ERBB4: variants seen among roughly 807,000 people sequenced by gnomAD.
ERBB4 encodes the protein receptor tyrosine-protein kinase erbB-4.
ERBB4 carries 42 observed loss-of-function variants against 158.0 expected under a neutral mutation model. That is an observed-to-expected ratio of 0.27 (90% CI 0.21 to 0.34). ERBB4 has a LOEUF of 0.34. ERBB4 is among the 10% of genes least tolerant of loss of function. The probability of loss-of-function intolerance (pLI) is 1.00; values close to 1 mark genes in which losing one functional copy is unlikely to be tolerated. For missense variants in ERBB4, 1,333 were observed against 1,624.1 expected (o/e 0.82, Z 3.08); for synonymous variants, 583 against 558.7 (o/e 1.04, Z -0.61).
chr2:211,593,145 G>A (rs1393130849), intron 19 of ERBB4, among the ~76,000 whole-genome samples: 2 of 152,074 alleles, frequency 1.3e-5, no homozygotes, highest in Non-Finnish European at 2.9e-5. Context: ...AAAGTCAATG[G>A]GGCAAAAAAG....
intron 19 of ERBB4, among the ~76,000 whole-genome samples, chr2:211,594,630 G>T (rs1310297824): frequency 6.6e-6 from 1 of 152,060 alleles, no homozygotes; most frequent in East Asian, 1.9e-4. Context: ...TAGCATAGCT[G>T]TTTATTCATA....
At chr2:211,425,175 T>A (rs2063599685) in intron 22 of ERBB4, among the ~76,000 whole-genome samples, 1 of 152,136 alleles carries the variant, frequency 6.6e-6, no homozygotes, top group Non-Finnish European at 1.5e-5. Context: ...CTGGGCACAA[T>A]AATATTACAA....
intron 2 of ERBB4, among the ~76,000 whole-genome samples, chr2:212,023,531 G>C (rs1401326796): frequency 6.6e-6 from 1 of 151,288 alleles, no homozygotes; most frequent in African/African-American, 2.4e-5. Context: ...AAAAAAAACA[G>C]ATGAATAAGT....
chr2:211,917,462 C>T (rs2079728648), intron 3 of ERBB4, among the ~76,000 whole-genome samples: 1 of 152,082 alleles, frequency 6.6e-6, no homozygotes, highest in African/African-American at 2.4e-5. Flanking sequence ...CTTATGCAGT[C>T]ATTACCACAA....
At chr2:212,345,041 C>T (rs1014577171) in intron 1 of ERBB4, among the ~76,000 whole-genome samples, 15 of 151,994 alleles carry the variant, frequency 9.9e-5, no homozygotes, top group African/African-American at 3.4e-4. Flanking sequence ...ATGGGCGGAT[C>T]ACGAGGTCAG....
At chr2:211,749,487 G>A (rs895601024) in intron 5 of ERBB4, among the ~76,000 whole-genome samples, 2 of 150,884 alleles carry the variant, frequency 1.3e-5, no homozygotes, top group Non-Finnish European at 3.0e-5. Context: ...TGCCTATGGA[G>A]AGCTGAGGGA....
chr2:212,537,413 T>C (rs1402363085), intron 1 of ERBB4, among the ~76,000 whole-genome samples: 1 of 152,046 alleles, frequency 6.6e-6, no homozygotes, highest in Admixed American at 6.5e-5. Flanking sequence ...GTCAGAAACT[T>C]TGAGCTCCAT....
chr2:212,391,992 T>C (rs2090889882), intron 1 of ERBB4, among the ~76,000 whole-genome samples: 1 of 151,500 alleles, frequency 6.6e-6, no homozygotes, highest in Admixed American at 6.6e-5. Context: ...TTTAGCTATT[T>C]AGGATGACTG....
intron 3 of ERBB4, among the ~76,000 whole-genome samples, chr2:211,826,294 A>C (rs1207520857): frequency 6.6e-6 from 1 of 151,862 alleles, no homozygotes; most frequent in Non-Finnish European, 1.5e-5. Flanking sequence ...TATTTCAGGC[A>C]CTGTGTTATG....
At chr2:211,503,427 C>A (rs563705636) in intron 20 of ERBB4, among the ~76,000 whole-genome samples, 21 of 152,252 alleles carry the variant, frequency 1.4e-4, no homozygotes, top group African/African-American at 4.6e-4. Flanking sequence ...GCCAGTTTCT[C>A]CCAAGACTGC....
intron 1 of ERBB4, among the ~76,000 whole-genome samples, chr2:212,351,612 G>C (rs548264614): frequency 3.3e-5 from 5 of 151,964 alleles, no homozygotes; most frequent in Non-Finnish European, 7.4e-5. Context: ...GGTAAATTCA[G>C]GTTAATTAAA....
At chr2:211,839,730 T>C (rs1364822904) in intron 3 of ERBB4, among the ~76,000 whole-genome samples, 1 of 152,136 alleles carries the variant, frequency 6.6e-6, no homozygotes, top group Non-Finnish European at 1.5e-5. Flanking sequence ...AAAACATGTC[T>C]TGATTTCCTT....
At chr2:211,986,385 T>C (rs1041817896) in intron 2 of ERBB4, among the ~76,000 whole-genome samples, 3 of 152,178 alleles carry the variant, frequency 2.0e-5, no homozygotes, top group Non-Finnish European at 4.4e-5. Context: ...AGAGGATAAA[T>C]GATTTACTCA....
intron 25 of ERBB4, among the ~76,000 whole-genome samples, chr2:211,392,558 C>CTG (rs1553519706): frequency 2.1e-5 from 3 of 140,918 alleles, no homozygotes; most frequent in East Asian, 4.2e-4. Context: ...CTCTCTTACT[C>CTG]CACACACACA....
At chr2:211,982,099 A>T (rs1310465670) in intron 2 of ERBB4, among the ~76,000 whole-genome samples, 2 of 151,954 alleles carry the variant, frequency 1.3e-5, no homozygotes, top group Non-Finnish European at 2.9e-5. Flanking sequence ...TAAAAACAAT[A>T]AATAAATATA....
intron 1 of ERBB4, among the ~76,000 whole-genome samples, chr2:212,201,391 C>T (rs929361333): frequency 2.6e-5 from 4 of 152,070 alleles, no homozygotes; most frequent in Admixed American, 6.6e-5. Context: ...ACAGCTCTCC[C>T]GTGGATTCAC....
chr2:212,230,684 T>C (rs1248685786), intron 1 of ERBB4, among the ~76,000 whole-genome samples: 1 of 152,214 alleles, frequency 6.6e-6, no homozygotes, highest in East Asian at 1.9e-4. Flanking sequence ...TACGTCTATA[T>C]AATATGAATC....
chr2:211,832,288 A>G (rs2105973712), intron 3 of ERBB4, among the ~76,000 whole-genome samples: 1 of 152,314 alleles, frequency 6.6e-6, no homozygotes, highest in South Asian at 2.1e-4. Flanking sequence ...ATGCCTGAGT[A>G]TTCTGTCCTT....
chr2:211,620,076 T>C (rs892108486), intron 18 of ERBB4, among the ~76,000 whole-genome samples: 1 of 152,176 alleles, frequency 6.6e-6, no homozygotes, highest in Admixed American at 6.5e-5. Flanking sequence ...ATAGCATTTC[T>C]GGGTAAAGTG....
Sources: allele counts gnomAD v4.1 joint callset (sites outside exome capture counted in the v4.1 genomes callset), GRCh38; gene constraint gnomAD v4.1.1; transcripts MANE v1.5; gene names NCBI Gene and HGNC (gene_info 2026-07-23, HGNC 2026-07-21).